Variants in MTMR9 observed in about 807,000 individuals in gnomAD.
MTMR9 encodes the protein myotubularin-related protein 9.
In MTMR9, 39 loss-of-function variants were observed where a neutral mutation model predicts 69.5. That is an observed-to-expected ratio of 0.56 (90% CI 0.43 to 0.73). MTMR9 has a LOEUF of 0.73. Ranked by LOEUF, MTMR9 falls within the 30% of genes least tolerant of loss-of-function variation. The probability of loss-of-function intolerance (pLI) is 0.00; values close to 1 mark genes in which losing one functional copy is unlikely to be tolerated. For missense variants in MTMR9, 900 were observed against 671.2 expected, an observed-to-expected ratio of 1.34 and a Z score of -3.77; for synonymous variants, 354 against 240.8, an observed-to-expected ratio of 1.47 and a Z score of -4.35.
chr8:11,314,132 C>T (rs1213094580), intron 6 of MTMR9, among the ~76,000 whole-genome samples: 3 of 152,192 alleles, frequency 2.0e-5, no homozygotes, highest in African/African-American at 7.2e-5. Context: ...TGTATATGTA[C>T]ATGGGTAAAA....
chr8:11,310,092 T>G (rs1314012113), intron 6 of MTMR9, among the ~76,000 whole-genome samples: 1 of 152,254 alleles, frequency 6.6e-6, no homozygotes, highest in Non-Finnish European at 1.5e-5. Context: ...AACGTAATTT[T>G]GTTACACAGT....
At position 11,306,186 on chromosome 8, in the gene MTMR9, C is replaced by T; in HGVS notation, c.592-4C>T. ...TTGAATTTTCAGCTTTATTATGCTT[C>T]TAGGTAATTATGCGAAGTGGTCAGC... On this transcript the variant is annotated splice_region_variant and splice_polypyrimidine_tract_variant and intron_variant, in intron 4 of 9. Transcript: ENST00000221086. 2 of 1,611,980 alleles carry T rather than the reference C, an allele frequency of 1.2e-6. No homozygotes were observed. The highest frequency in any genetic ancestry group is 1.7e-6 in the Non-Finnish European group (2 of 1,179,598).
At chr8:11,305,187 G>A (rs1799894162) in intron 4 of MTMR9, among the ~76,000 whole-genome samples, 173 bp downstream of exon 4, 1 of 152,146 alleles carries the variant, frequency 6.6e-6, no homozygotes, top group Admixed American at 6.5e-5. Flanking sequence ...GTTTTCTGTG[G>A]TGAGGATGTG....
intron 4 of MTMR9, 29 bp downstream of exon 4, chr8:11,305,043 A>C: frequency 1.9e-6 from 3 of 1,601,072 alleles, no homozygotes; most frequent in Non-Finnish European, 2.6e-6. Context: ...TGCTTGATGT[A>C]CTGAAAGGCT....
chr8:11,288,346 T>TTA (rs530633207), intron 1 of MTMR9, among the ~76,000 whole-genome samples: 12 of 139,892 alleles, frequency 8.6e-5, no homozygotes, highest in Middle Eastern at 3.7e-3. Flanking sequence ...TATAATATAT[T>TTA]TATATATATA....
intron 8 of MTMR9, chr8:11,318,945 G>C (rs960131823): frequency 2.6e-5 from 4 of 152,096 alleles, no homozygotes; most frequent in Admixed American, 6.5e-5. Flanking sequence ...GGGAGGGACA[G>C]AAGGGGGACG....
rs894664578 is a variant in MTMR9, at chr8:11,323,782, A to G, written c.*994A>G. On this transcript the variant is annotated 3_prime_UTR_variant, in exon 10 of 10. Transcript: ENST00000221086. ...TCCTAATACTAAGGTTAAAATTTTC[A>G]TGTTGACCTGAGCCTTTTGCAAATT... 6.6e-6 allele frequency: 1 copy of G among 152,144 alleles called. No individual in the cohort carries two copies. The highest frequency in any genetic ancestry group is 6.5e-5 in the Admixed American group (1 of 15,286). The allele number at this position is 152,144 out of a possible 1,614,324, so 9.4% of individuals were successfully genotyped here.
Position 11,322,849 on chromosome 8 carries a change from G to C in MTMR9, c.*61G>C, listed in dbSNP as rs1800759178. 1.4e-5 allele frequency: 21 copies of C among 1,495,692 alleles called. No homozygotes were observed. Among genetic ancestry groups the C allele is most frequent in the Non-Finnish European group, 1.8e-5 (20 of 1,100,142 alleles). 92.7% of individuals were successfully genotyped at this position (1,495,692 alleles called of 1,614,324 possible). A position where few individuals can be genotyped will look rare whatever the true frequency, so the allele number is the denominator to read the frequency against. ...GGCCTGTGTCCGCCGTTCTCTCCTT[G>C]TGCCCTTCAGTTCACTTTTACACGG... On this transcript the variant is annotated 3_prime_UTR_variant, in exon 10 of 10. Transcript: ENST00000221086.
At chr8:11,316,156 A>G (rs1585130946) in intron 7 of MTMR9, 1 of 152,244 alleles carries the variant, frequency 6.6e-6, no homozygotes, top group Admixed American at 6.5e-5. Flanking sequence ...AGATCTTTCA[A>G]CACAATAACT....
At chr8:11,290,949 G>A (rs1459364319) in intron 1 of MTMR9, among the ~76,000 whole-genome samples, 2 of 151,296 alleles carry the variant, frequency 1.3e-5, no homozygotes, top group Admixed American at 6.6e-5. Flanking sequence ...ATGTTCATGG[G>A]ATTTTTAAAA....
At position 11,309,575 on chromosome 8, in the gene MTMR9, T is replaced by C; in HGVS notation, c.858T>C (p.Asn286=). Residue 286 remains asparagine (N), a synonymous_variant, in exon 6 of 10, where the codon AAT becomes AAC. Coordinates refer to ENST00000221086, the MANE Select transcript of MTMR9 (RefSeq NM_015458.4). ...TAATCAAACTTGTGGAAGCTTGTAA[T>C]GACCAAACACATAACATGGACCGAT... ...ESLIKLVEAC[N]DQTHNMDRWL... 6.2e-7 allele frequency: 1 copy of C among 1,613,916 alleles called. No homozygotes were observed. Among genetic ancestry groups the C allele is most frequent in the South Asian group, 1.1e-5 (1 of 91,074 alleles).
At chr8:11,287,717 A>T (rs1265707683) in intron 1 of MTMR9, among the ~76,000 whole-genome samples, 1 of 136,900 alleles carries the variant, frequency 7.3e-6, no homozygotes, top group Non-Finnish European at 1.5e-5. Flanking sequence ...ATATATTATA[A>T]TATATATTAT....
rs1347536354 is a variant in MTMR9 at position 11,326,197 on chromosome 8, T to G, written c.*3409T>G. The G allele has an allele frequency of 1.3e-5, 2 of 152,184 alleles. No individual in the cohort carries two copies. Among genetic ancestry groups the G allele is most frequent in the Non-Finnish European group, 2.9e-5 (2 of 68,026 alleles). 9.4% of individuals were successfully genotyped at this position (152,184 alleles called of 1,614,324 possible). A position where few individuals can be genotyped will look rare whatever the true frequency, so the allele number is the denominator to read the frequency against. ...CTGCTTCAAGGCATAACTCGTGTAGTTGTCTGGTTTCAGGGATAGCTGTTT... is the reference window on the plus strand; with the variant it reads ...CTGCTTCAAGGCATAACTCGTGTAGGTGTCTGGTTTCAGGGATAGCTGTTT... On this transcript the variant is annotated 3_prime_UTR_variant, in exon 10 of 10. Transcript: ENST00000221086.
At chr8:11,315,332 G>A (rs545799246) in intron 7 of MTMR9, among the ~76,000 whole-genome samples, 1 of 152,278 alleles carries the variant, frequency 6.6e-6, no homozygotes, top group South Asian at 2.1e-4. Flanking sequence ...GGGAAGCATA[G>A]TGCAATCTCC....
chr8:11,334,601 A>G, the MTMR9 span, among the ~76,000 whole-genome samples: 1,052 of 152,268 alleles, frequency 6.9e-3, 10 homozygotes, highest in African/African-American at 0.024. Flanking sequence ...TATGGGGAAA[A>G]TGGGGGGCAA....
the MTMR9 span, among the ~76,000 whole-genome samples, chr8:11,338,290 C>T: frequency 6.6e-6 from 1 of 152,196 alleles, no homozygotes; most frequent in Non-Finnish European, 1.5e-5. Flanking sequence ...GGACCAGCTT[C>T]TGTTGTTCTC....
intron 1 of MTMR9, among the ~76,000 whole-genome samples, chr8:11,290,902 G>T (rs137910691): frequency 4.2e-5 from 6 of 142,620 alleles, no homozygotes; most frequent in African/African-American, 7.8e-5. Context: ...ACTATGTTTC[G>T]ACCTTTATGT....
chr8:11,304,076 C>T (rs560544372), intron 3 of MTMR9, among the ~76,000 whole-genome samples: 88 of 151,432 alleles, frequency 5.8e-4, no homozygotes, highest in African/African-American at 2.1e-3. Flanking sequence ...ACTGTAAAAC[C>T]TTTTGACAGT....
At chr8:11,308,391 A>G (rs543094697) in intron 5 of MTMR9, among the ~76,000 whole-genome samples, 130 of 152,260 alleles carry the variant, frequency 8.5e-4, no homozygotes, top group South Asian at 3.3e-3. Context: ...CCATTAGTCA[A>G]TGTGTCTGTT....
Sources: allele counts gnomAD v4.1 joint callset (sites outside exome capture counted in the v4.1 genomes callset), GRCh38; gene constraint gnomAD v4.1.1; transcripts MANE v1.5; gene names NCBI Gene and HGNC (gene_info 2026-07-23, HGNC 2026-07-21).